Variants in WDFY4 observed in about 807,000 individuals in gnomAD.
WDFY4 encodes the protein WD repeat- and FYVE domain-containing protein 4.
In WDFY4, 169 loss-of-function variants were observed where a neutral mutation model predicts 351.9. The observed-to-expected ratio is 0.48, with a 90% CI of 0.42 to 0.55. The LOEUF is 0.55. Ranked by LOEUF, WDFY4 falls within the 20% of genes least tolerant of loss-of-function variation. The pLI, the probability that WDFY4 is intolerant of heterozygous loss-of-function variation, is 0.00. For synonymous variants in WDFY4, 1,622 were observed against 1,574.6 expected, an observed-to-expected ratio of 1.03 and a Z score of -0.71; for missense variants, 3,803 against 3,935.6, an observed-to-expected ratio of 0.97 and a Z score of 0.90.
chr10:48,943,496 G>T (rs551657711), intron 49 of WDFY4, 47 bp downstream of exon 49: 1 of 1,535,528 alleles, frequency 6.5e-7, no homozygotes, highest in East Asian at 2.5e-5. Flanking sequence ...GTGTTCGGAC[G>T]TTGATAACAG....
intron 2 of WDFY4, among the ~76,000 whole-genome samples, chr10:48,712,047 C>A (rs769309147): frequency 1.3e-5 from 2 of 152,130 alleles, no homozygotes; most frequent in Non-Finnish European, 2.9e-5. Context: ...TATAAGTGAA[C>A]CTTGATACTG....
chr10:48,945,191 C>T (rs1317813693), intron 49 of WDFY4, among the ~76,000 whole-genome samples: 4 of 152,166 alleles, frequency 2.6e-5, no homozygotes, highest in African/African-American at 9.7e-5. Flanking sequence ...GCCTGGCCAA[C>T]ATAGTGAGAC....
At chr10:48,701,451 T>G (rs1375526814) in intron 1 of WDFY4, among the ~76,000 whole-genome samples, 1 of 152,220 alleles carries the variant, frequency 6.6e-6, no homozygotes, top group Admixed American at 6.5e-5. Flanking sequence ...TGACCTACCT[T>G]GTCTATTAGT....
intron 26 of WDFY4, 141 bp from the exon 27 acceptor site, chr10:48,805,863 T>C (rs907409723): frequency 1.4e-6 from 1 of 731,612 alleles, no homozygotes; most frequent in Non-Finnish European, 2.4e-6. Flanking sequence ...TCTCTGGAAA[T>C]ACACAGCATG....
Position 48,817,371 on chromosome 10 carries a change from A to T in WDFY4, c.5467A>T (p.Thr1823Ser). 6.4e-7 allele frequency: 1 copy of T among 1,551,566 alleles called. No individual in the cohort carries two copies. The highest frequency in any genetic ancestry group is 8.7e-7 in the Non-Finnish European group (1 of 1,146,896). The change falls in exon 32 of 62, where the codon ACC becomes TCC. Residue 1823 changes from threonine (T) to serine (S), a missense_variant. This residue lies in a region of WDFY4 where 3,054 missense variants were observed against 3,148.6 expected (regional missense o/e 0.97). Transcript: ENST00000325239. ...PAWRAPEFLQ[T>S]LAIAAFPLGA... Reference sequence around the variant, plus strand: ...GTGGCGAGCCCCGGAGTTCCTCCAGACCTTGGCCATAGCCGCCTTCCCCCT... The same window carrying T: ...GTGGCGAGCCCCGGAGTTCCTCCAGTCCTTGGCCATAGCCGCCTTCCCCCT...
chr10:48,834,390 A>C (rs910178528), intron 39 of WDFY4, among the ~76,000 whole-genome samples: 1 of 152,190 alleles, frequency 6.6e-6, no homozygotes, highest in Non-Finnish European at 1.5e-5. Context: ...CAGAGCTTTC[A>C]TTCCTGAACT....
At chr10:48,894,910 A>G (rs12252059) in intron 44 of WDFY4, among the ~76,000 whole-genome samples, 1,983 of 152,300 alleles carry the variant, frequency 0.013, 34 homozygotes, top group African/African-American at 0.045. Flanking sequence ...GCTGAGATCC[A>G]GATAGAGACA....
In WDFY4 at chr10:48,890,611, G is replaced by C; in HGVS notation, c.7200G>C (p.Gln2400His). 6.4e-7 allele frequency: 1 copy of C among 1,551,710 alleles called. No individual in the cohort carries two copies. The highest frequency in any genetic ancestry group is 1.4e-5 in the African/African-American group (1 of 73,154). Residue 2400 changes from glutamine (Q) to histidine (H), a missense_variant, in exon 44 of 62, where the codon CAG becomes CAC. By Grantham distance (24) the Gln-to-His change is conservative. Transcript: ENST00000325239. ...AGAAGTTCTCCCTGGTGATTGTGCA[G>C]GGCCACCTGGTGTCAGAAGGGGTCC... ...VTQKFSLVIV[Q>H]GHLVSEGVLL...
intron 44 of WDFY4, among the ~76,000 whole-genome samples, chr10:48,895,790 CTG>C (rs1480757450): frequency 6.6e-6 from 1 of 152,190 alleles, no homozygotes; most frequent in Non-Finnish European, 1.5e-5. Flanking sequence ...AGGGGTCACT[CTG>C]AGATCTTTCT....
intron 54 of WDFY4, among the ~76,000 whole-genome samples, chr10:48,966,174 T>A (rs1167381903): frequency 6.6e-5 from 10 of 152,178 alleles, no homozygotes; most frequent in African/African-American, 2.4e-4. Context: ...CCACGTTATC[T>A]AGGGAACGAA....
intron 12 of WDFY4, among the ~76,000 whole-genome samples, chr10:48,746,722 A>G (rs371059403): frequency 6.6e-6 from 1 of 152,202 alleles, no homozygotes; most frequent in South Asian, 2.1e-4. Flanking sequence ...TTAATTTTAT[A>G]GTAGTTGCCC....
chr10:48,742,837 T>A, intron 11 of WDFY4, 131 bp from the exon 12 acceptor site: 3 of 812,586 alleles, frequency 3.7e-6, no homozygotes, highest in Non-Finnish European at 3.8e-6. Flanking sequence ...TTCAGAGTGA[T>A]CCTTCCTGTA....
intron 47 of WDFY4, among the ~76,000 whole-genome samples, chr10:48,931,687 G>A (rs1366323536): frequency 1.3e-5 from 2 of 152,206 alleles, no homozygotes; most frequent in Admixed American, 6.5e-5. Flanking sequence ...TTGTCTTTCA[G>A]AAAATGCTGC....
chr10:48,814,241 G>A (rs1259901641), intron 31 of WDFY4, among the ~76,000 whole-genome samples, 159 bp downstream of exon 31: 1 of 152,252 alleles, frequency 6.6e-6, no homozygotes, highest in Non-Finnish European at 1.5e-5. Flanking sequence ...TGACTCAGGG[G>A]CACAACTGGA....
intron 55 of WDFY4, 112 bp downstream of exon 55, chr10:48,966,785 A>T (rs988411783): frequency 3.7e-6 from 5 of 1,366,372 alleles, no homozygotes; most frequent in Non-Finnish European, 3.9e-6. Flanking sequence ...TTGGGGACTG[A>T]CTTTGAATGG....
intron 39 of WDFY4, among the ~76,000 whole-genome samples, chr10:48,852,146 G>A (rs1174679150): frequency 1.3e-5 from 2 of 152,154 alleles, no homozygotes; most frequent in African/African-American, 4.8e-5. Context: ...CCTTCCTCCT[G>A]TCTCCACATC....
chr10:48,720,164 G>C (rs1205530598), intron 3 of WDFY4, 39 bp downstream of exon 3: 1 of 1,542,942 alleles, frequency 6.5e-7, no homozygotes, highest in East Asian at 2.4e-5. Flanking sequence ...TCTACAGAGA[G>C]CAGTGCAGCC....
At chr10:48,932,251 AGTCACCAGACTGCACC>A (rs1286868168) in intron 47 of WDFY4, among the ~76,000 whole-genome samples, 1 of 152,168 alleles carries the variant, frequency 6.6e-6, no homozygotes, top group Non-Finnish European at 1.5e-5. Context: ...ATGCTGGTGG[AGTCACCAGACTGCACC>A]GTCTCCATCA....
intron 57 of WDFY4, among the ~76,000 whole-genome samples, chr10:48,974,542 TG>T: frequency 6.1e-5 from 1 of 16,420 alleles, no homozygotes; most frequent in Non-Finnish European, 2.0e-4. Context: ...ACTCATGACA[TG>T]AACTGCTCCC....
Sources: gnomAD v4.1 joint callset for allele counts (sites outside exome capture counted in the v4.1 genomes callset) on GRCh38, gnomAD v4.1.1 for gene constraint, gnomAD v4.1.1 regional missense constraint, MANE v1.5 for transcripts, NCBI Gene and HGNC (gene_info 2026-07-23, HGNC 2026-07-21) for gene names.